The following SLC15A5 variants were observed in gnomAD, a reference collection of about 807,000 sequenced individuals.
SLC15A5 encodes solute carrier family 15 member 5, also known as Peptide/histidine transporter ENSP00000340402.
In SLC15A5, 58 loss-of-function variants were observed where a neutral mutation model predicts 56.1. The ratio of observed to expected loss-of-function variants is 1.03; its 90% CI spans 0.84 to 1.29. The LOEUF (loss-of-function observed/expected upper bound fraction) is 1.29. Ranked by LOEUF, SLC15A5 falls within the 50% of genes most tolerant of loss-of-function variation. The pLI, the probability that SLC15A5 is intolerant of heterozygous loss-of-function variation, is 0.00. For missense variants in SLC15A5, 681 were observed against 672.1 expected (o/e 1.01, Z -0.15); for synonymous variants, 264 against 250.5 (o/e 1.05, Z -0.51).
rs147963782 is a variant in SLC15A5 at position 16,274,372 on chromosome 12, C to T, written c.362-1589G>A. Among the ~76,000 whole-genome samples, 873 of 152,148 alleles carry T rather than the reference C, an allele frequency of 5.7e-3. 8 individuals carry two copies. The highest frequency in any genetic ancestry group is 0.011 in the Admixed American group (161 of 15,266). ...ATTCGATTAGTGAAAAATGGCTCCTCCATGTTCGTTTTGCTCTTCATTTTA... is the reference window on the plus strand; with the variant it reads ...ATTCGATTAGTGAAAAATGGCTCCTTCATGTTCGTTTTGCTCTTCATTTTA... On this transcript the variant is annotated intron_variant, in intron 1 of 8. Coordinates refer to ENST00000344941, the MANE Select transcript of SLC15A5 (RefSeq NM_001170798.1).
chr12:16,274,374 A>T (rs530719390), intron 1 of SLC15A5, among the ~76,000 whole-genome samples: 1 of 152,160 alleles, frequency 6.6e-6, no homozygotes, highest in East Asian at 1.9e-4. Flanking sequence ...TGGCTCCTCC[A>T]TGTTCGTTTT....
At chr12:16,223,955 A>T (rs936865752) in intron 6 of SLC15A5, among the ~76,000 whole-genome samples, 49 of 152,110 alleles carry the variant, frequency 3.2e-4, no homozygotes, top group Non-Finnish European at 5.6e-4. Flanking sequence ...TGACCTCGTG[A>T]TCCACCTGCC....
At chr12:16,230,404 C>G (rs1037424830) in intron 5 of SLC15A5, among the ~76,000 whole-genome samples, 1 of 152,048 alleles carries the variant, frequency 6.6e-6, no homozygotes, top group African/African-American at 2.4e-5. Context: ...GCTTATTTTA[C>G]TGAGCTCTTT....
chr12:16,193,243 A>G (rs1863855634), intron 8 of SLC15A5, among the ~76,000 whole-genome samples: 1 of 152,090 alleles, frequency 6.6e-6, no homozygotes, highest in Non-Finnish European at 1.5e-5. Context: ...ATTTAGGAAA[A>G]GTATATACTG....
chr12:16,221,645 T>G (rs560753457), intron 6 of SLC15A5, among the ~76,000 whole-genome samples: 2 of 152,252 alleles, frequency 1.3e-5, no homozygotes, highest in South Asian at 4.2e-4. Context: ...GGAATTTCAA[T>G]CAGGGGAATG....
intron 2 of SLC15A5, among the ~76,000 whole-genome samples, chr12:16,270,226 A>G (rs962393392): frequency 6.6e-6 from 1 of 152,140 alleles, no homozygotes; most frequent in African/African-American, 2.4e-5. Flanking sequence ...ACTTAACATG[A>G]TCATTGGGAA....
chr12:16,256,381 C>G (rs753232006), intron 3 of SLC15A5, among the ~76,000 whole-genome samples: 33 of 152,058 alleles, frequency 2.2e-4, no homozygotes, highest in Non-Finnish European at 4.4e-4. Flanking sequence ...CATTATGCCT[C>G]TTAATTAAAG....
At chr12:16,222,090 T>G (rs2136248518) in intron 6 of SLC15A5, among the ~76,000 whole-genome samples, 1 of 152,344 alleles carries the variant, frequency 6.6e-6, no homozygotes, top group South Asian at 2.1e-4. Context: ...TGCCATTACT[T>G]TTAGTAATGA....
At chr12:16,270,605 C>T (rs1308914283) in intron 2 of SLC15A5, among the ~76,000 whole-genome samples, 1 of 152,126 alleles carries the variant, frequency 6.6e-6, no homozygotes. Flanking sequence ...TGCTAGGATA[C>T]TTTATATATA....
chr12:16,242,555 G>A (rs3844371), intron 4 of SLC15A5, among the ~76,000 whole-genome samples: 67,679 of 151,948 alleles, frequency 0.45, 15,239 homozygotes, highest in South Asian at 0.61. Flanking sequence ...ATTAAATTAC[G>A]TACTGTGAAG....
chr12:16,224,241 G>A (rs1864216291), intron 6 of SLC15A5, among the ~76,000 whole-genome samples, 173 bp downstream of exon 6: 1 of 152,222 alleles, frequency 6.6e-6, no homozygotes, highest in African/African-American at 2.4e-5. Context: ...GCAGAGGAAT[G>A]AGGAGAAATG....
chr12:16,244,433 C>G, intron 4 of SLC15A5, 147 bp downstream of exon 4: 3 of 716,202 alleles, frequency 4.2e-6, no homozygotes, highest in Non-Finnish European at 7.0e-6. Flanking sequence ...GAAATCAGAG[C>G]CTGTAATGAT....
In SLC15A5 at chr12:16,189,777, C is replaced by T. The variant is rs747404952; in HGVS notation, c.1631G>A (p.Arg544His). ...AAGTGTTTCTTCAAGATTACTTCCACGGATGTTCTGGGCATTAAAATGATT... is the reference window on the plus strand; with the variant it reads ...AAGTGTTTCTTCAAGATTACTTCCATGGATGTTCTGGGCATTAAAATGATT... ...NLNHFNAQNI[R>H]GSNLEETLLL... Residue 544 changes from arginine to histidine, a missense_variant, in exon 9 of 9, where the codon CGT becomes CAT. Physicochemically the swap from Arg to His is conservative, Grantham distance 29. Coordinates refer to ENST00000344941, the MANE Select transcript of SLC15A5 (RefSeq NM_001170798.1). 7.9e-6 allele frequency: 12 copies of T among 1,526,030 alleles called. No homozygotes were observed. Among genetic ancestry groups the T allele is most frequent in the Admixed American group, 2.0e-5 (1 of 49,514 alleles). 94.5% of individuals were successfully genotyped at this position (1,526,030 alleles called of 1,614,324 possible).
rs1430556794 is a variant in SLC15A5, at chr12:16,237,536, CTCTG to C, written c.1162+2141_1162+2144del. 2.0e-5 allele frequency among the ~76,000 whole-genome samples: 3 copies of C among 152,122 alleles called. No homozygotes were observed. The highest frequency in any genetic ancestry group is 7.2e-5 in the African/African-American group (3 of 41,426). On this transcript the variant is annotated intron_variant, in intron 5 of 8. Transcript: ENST00000344941. The surrounding 1 kb of genome is among the most constrained non-coding windows in gnomAD (Gnocchi z 4.1). Reference sequence around the variant, plus strand: ...CAACATCAAACAATATACTAAATAACTCTGTCTAACTTTTCTAAATCCAGAAAAA... The same window carrying C: ...CAACATCAAACAATATACTAAATAACTCTAACTTTTCTAAATCCAGAAAAA...
rs1355493623 is a variant in SLC15A5 at position 16,272,854 on chromosome 12, G to C, written c.362-71C>G. The stretch of plus-strand genomic sequence containing the variant: ...GGATCACCAAATCACATTTTAAACA[G>C]GGTTTTTCTCTGACAGTGGCATCAT... On this transcript the variant is annotated intron_variant, in intron 1 of 8. Coordinates refer to ENST00000344941, the MANE Select transcript of SLC15A5 (RefSeq NM_001170798.1). 12 of 1,348,874 alleles carry C rather than the reference G, an allele frequency of 8.9e-6. No homozygotes were observed. In the East Asian group the frequency reaches 3.0e-4, roughly 34 times the overall value. The allele number at this position is 1,348,874 out of a possible 1,614,324, so 83.6% of individuals were successfully genotyped here.
At chr12:16,197,795 G>C (rs559986310) in intron 7 of SLC15A5, among the ~76,000 whole-genome samples, 1 of 150,132 alleles carries the variant, frequency 6.7e-6, no homozygotes, top group East Asian at 2.0e-4. Context: ...GTTGTAAAAT[G>C]TTCCGTTTAA....
chr12:16,217,276 G>A (rs956332489), intron 6 of SLC15A5, among the ~76,000 whole-genome samples: 1 of 152,102 alleles, frequency 6.6e-6, no homozygotes, highest in African/African-American at 2.4e-5. Flanking sequence ...GTAGTTGAGT[G>A]TCCTGATGTA....
intron 2 of SLC15A5, among the ~76,000 whole-genome samples, chr12:16,264,063 AC>A (rs1864668939): frequency 6.6e-6 from 1 of 152,122 alleles, no homozygotes; most frequent in Admixed American, 6.5e-5. Flanking sequence ...TGGCCTCCAG[AC>A]CCCAGAATGG....
intron 7 of SLC15A5, among the ~76,000 whole-genome samples, chr12:16,210,292 G>T (rs1864066935): frequency 6.6e-6 from 1 of 152,240 alleles, no homozygotes; most frequent in South Asian, 2.1e-4. Flanking sequence ...CCATGCGTAG[G>T]AGGCTTCATT....
Sources: gnomAD v4.1 joint callset for allele counts (sites outside exome capture counted in the v4.1 genomes callset) on GRCh38, gnomAD v4.1.1 for gene constraint, Gnocchi (gnomAD v3.1) non-coding constraint, MANE v1.5 for transcripts, NCBI Gene and HGNC (gene_info 2026-07-23, HGNC 2026-07-21) for gene names.